PALMD: variants seen among roughly 807,000 people sequenced by gnomAD.
PALMD encodes paralemmin-like protein.
In PALMD, 42 loss-of-function variants were observed where a neutral mutation model predicts 56.2. The ratio of observed to expected loss-of-function variants is 0.75; its 90% CI spans 0.58 to 0.97. The LOEUF is 0.97. Ranked by LOEUF, PALMD falls within the 50% of genes least tolerant of loss-of-function variation. The pLI is 0.00. For missense variants in PALMD, 660 were observed against 643.8 expected (o/e 1.03, Z -0.27); for synonymous variants, 242 against 222.9 (o/e 1.09, Z -0.76).
chr1:99,656,937 T>C (rs1175256173), intron 1 of PALMD, among the ~76,000 whole-genome samples: 2 of 152,236 alleles, frequency 1.3e-5, no homozygotes, highest in African/African-American at 2.4e-5. Context: ...GCAATCTGTT[T>C]ATTTGAAATA....
Position 99,686,754 on chromosome 1 carries a change from A to C in PALMD, c.330A>C (p.Leu110=). The C allele has an allele frequency of 6.2e-7, 1 of 1,604,730 alleles. No homozygotes were observed. Residue 110 remains leucine (L), a synonymous_variant, in exon 4 of 8, where the codon CTA becomes CTC. Transcript: ENST00000263174. ...STKEEAILKK[L]KSIERTTEDI... Reference sequence around the variant, plus strand: ...AGGAAGAGGCCATTTTAAAGAAACTAAAGTCAATTGAGCGGACAACAGAAG... The same window carrying C: ...AGGAAGAGGCCATTTTAAAGAAACTCAAGTCAATTGAGCGGACAACAGAAG...
Position 99,688,940 on chromosome 1 carries a change from C to G in PALMD, c.680C>G (p.Ala227Gly). 6.2e-7 allele frequency: 1 copy of G among 1,613,488 alleles called. No homozygotes were observed. Residue 227 changes from alanine to glycine, a missense_variant, in exon 7 of 8, where the codon GCA becomes GGA. Physicochemically the swap from Ala to Gly is moderately conservative, Grantham distance 60. Coordinates refer to ENST00000263174, the MANE Select transcript of PALMD (RefSeq NM_017734.5). ...GCAGTAAGTTCTAATCACAGTGCAGCATACAATGGCACCGATGGCCTGGCA... is the reference window on the plus strand; with the variant it reads ...GCAGTAAGTTCTAATCACAGTGCAGGATACAATGGCACCGATGGCCTGGCA... The part of the protein sequence containing the change: ...VYAVSSNHSA[A>G]YNGTDGLAPV...
chr1:99,662,198 A>T, intron 1 of PALMD, 121 bp from the exon 2 acceptor site: 1 of 630,940 alleles, frequency 1.6e-6, no homozygotes, highest in Non-Finnish European at 2.8e-6. Context: ...TTTCCAAAGC[A>T]GCTTCACACC....
chr1:99,665,180 T>C (rs1176237752), intron 2 of PALMD, among the ~76,000 whole-genome samples: 1 of 152,300 alleles, frequency 6.6e-6, no homozygotes, highest in Admixed American at 6.5e-5. Context: ...CCTACTCTAC[T>C]GTAACTTCTG....
intron 3 of PALMD, among the ~76,000 whole-genome samples, chr1:99,682,527 A>C (rs1326314171): frequency 6.6e-6 from 1 of 152,156 alleles, no homozygotes; most frequent in Non-Finnish European, 1.5e-5. Flanking sequence ...TCAACCTCAT[A>C]TTCTTACCAT....
intron 3 of PALMD, chr1:99,684,099 T>G (rs995256248): frequency 4.6e-5 from 7 of 152,228 alleles, no homozygotes; most frequent in African/African-American, 1.7e-4. Flanking sequence ...TGTGTTTATG[T>G]GTATATATAT....
At chr1:99,650,961 T>C (rs1368536200) in intron 1 of PALMD, among the ~76,000 whole-genome samples, 1 of 152,350 alleles carries the variant, frequency 6.6e-6, no homozygotes, top group African/African-American at 2.4e-5. Flanking sequence ...ATTCTTAAAG[T>C]ACTAGTGGCC....
chr1:99,686,581 T>A, intron 3 of PALMD, 95 bp from the exon 4 acceptor site: 1 of 629,394 alleles, frequency 1.6e-6, no homozygotes, highest in Non-Finnish European at 2.8e-6. Context: ...CTTACATGCA[T>A]ATTCCAAGGA....
intron 1 of PALMD, among the ~76,000 whole-genome samples, chr1:99,662,096 G>C (rs1043812443): frequency 2.6e-4 from 40 of 152,160 alleles, no homozygotes; most frequent in African/African-American, 9.7e-4. Context: ...GGATGTTTAA[G>C]CCCTCTTTGA....
intron 1 of PALMD, among the ~76,000 whole-genome samples, chr1:99,656,832 C>T (rs1244913912): frequency 6.6e-6 from 1 of 152,192 alleles, no homozygotes; most frequent in Non-Finnish European, 1.5e-5. Flanking sequence ...AGGTTTCAAA[C>T]TCTAATATGT....
chr1:99,679,546 C>T (rs1052909786), intron 3 of PALMD, among the ~76,000 whole-genome samples: 1 of 152,136 alleles, frequency 6.6e-6, no homozygotes, highest in African/African-American at 2.4e-5. Flanking sequence ...ATAACCCTAA[C>T]GAAGATTAGG....
chr1:99,676,616 C>T (rs1454082144), intron 3 of PALMD, among the ~76,000 whole-genome samples: 2 of 152,034 alleles, frequency 1.3e-5, no homozygotes, highest in African/African-American at 4.8e-5. Flanking sequence ...TTACTTCATA[C>T]CCACTTATAC....
chr1:99,662,794 T>G (rs990894273), intron 2 of PALMD, among the ~76,000 whole-genome samples: 1 of 152,176 alleles, frequency 6.6e-6, no homozygotes, highest in African/African-American at 2.4e-5. Flanking sequence ...TGCAGAACAG[T>G]GTCTGGCCTG....
intron 1 of PALMD, among the ~76,000 whole-genome samples, chr1:99,657,807 T>G (rs976770335): frequency 1.3e-5 from 2 of 152,188 alleles, no homozygotes; most frequent in African/African-American, 4.8e-5. Flanking sequence ...TTTTAGAATT[T>G]GTTCACATCA....
intron 3 of PALMD, among the ~76,000 whole-genome samples, chr1:99,673,889 A>T (rs892725579): frequency 6.6e-6 from 1 of 152,216 alleles, no homozygotes; most frequent in African/African-American, 2.4e-5. Flanking sequence ...GATGACGTAT[A>T]GATGAATGTT....
rs535601542 is a variant in PALMD at position 99,681,954 on chromosome 1, A to G, written c.252-4722A>G. On this transcript the variant is annotated intron_variant, in intron 3 of 7. Transcript: ENST00000263174. Reference sequence around the variant, plus strand: ...TCAGTCCTCAAAAACTCAGTGCATTATCTGGTGTACAGGTTGTCAAACCTC... The same window carrying G: ...TCAGTCCTCAAAAACTCAGTGCATTGTCTGGTGTACAGGTTGTCAAACCTC... 5.9e-5 allele frequency among the ~76,000 whole-genome samples: 9 copies of G among 152,332 alleles called. No individual in the cohort carries two copies. The East Asian group carries it at 1.7e-3, about 29-fold the overall frequency.
At chr1:99,693,871 T>C (rs1653719111) in intron 7 of PALMD, 148 bp from the exon 8 acceptor site, 2 of 629,710 alleles carry the variant, frequency 3.2e-6, no homozygotes, top group East Asian at 2.9e-5. Flanking sequence ...ATTTCTACTA[T>C]CTTTTTGTGC....
At chr1:99,651,969 C>T (rs834989) in intron 1 of PALMD, among the ~76,000 whole-genome samples, 104,609 of 152,154 alleles carry the variant, frequency 0.69, 36,642 homozygotes, top group African/African-American at 0.82. Flanking sequence ...TAATCAATTA[C>T]GCTAACAACT....
chr1:99,689,550 G>A lies in PALMD; in HGVS notation c.1290G>A (p.Lys430=). 1 of 1,613,822 alleles carries A rather than the reference G, an allele frequency of 6.2e-7. No individual in the cohort carries two copies. The highest frequency in any genetic ancestry group is 8.5e-7 in the Non-Finnish European group (1 of 1,179,862). Residue 430 remains lysine, a synonymous_variant, in exon 7 of 8, where the codon AAG becomes AAA. Coordinates refer to ENST00000263174, the MANE Select transcript of PALMD (RefSeq NM_017734.5). The part of the protein sequence containing the change: ...YQQAEDSEED[K]KFLTGYDGII... ...AGGCAGAAGACAGTGAAGAAGATAA[G>A]AAGTTTCTGACAGGATATGATGGGA... is the stretch of plus-strand genomic sequence containing the variant.
Sources: gnomAD v4.1 joint callset for allele counts (sites outside exome capture counted in the v4.1 genomes callset) on GRCh38, gnomAD v4.1.1 for gene constraint, MANE v1.5 for transcripts, NCBI Gene and HGNC (gene_info 2026-07-23, HGNC 2026-07-21) for gene names.